XIRP2: variants seen among roughly 807,000 people sequenced by gnomAD.
The protein encoded by XIRP2 is xin actin binding repeat containing 2.
A neutral mutation model predicts 277.0 loss-of-function variants in XIRP2; 236 were observed. The ratio of observed to expected loss-of-function variants is 0.85; its 90% CI spans 0.77 to 0.95. The LOEUF is 0.95. Ranked by LOEUF, XIRP2 falls within the 40% of genes least tolerant of loss-of-function variation. The pLI is 0.00. For missense variants in XIRP2, 4,640 were observed against 4,157.5 expected, an observed-to-expected ratio of 1.12 and a Z score of -3.19; for synonymous variants, 1,490 against 1,416.5, an observed-to-expected ratio of 1.05 and a Z score of -1.17.
chr2:167,192,682 C>A (rs73027841), intron 3 of XIRP2, among the ~76,000 whole-genome samples: 12,319 of 152,182 alleles, frequency 0.081, 542 homozygotes, highest in South Asian at 0.15. Flanking sequence ...AAATCCACCA[C>A]CTCTGCTTCT....
At chr2:166,998,223 C>G (rs577452090) in intron 2 of XIRP2, among the ~76,000 whole-genome samples, 2 of 152,100 alleles carry the variant, frequency 1.3e-5, no homozygotes, top group Admixed American at 6.6e-5. Flanking sequence ...ACCTAAGTAG[C>G]AAACTGCATG....
intron 2 of XIRP2, among the ~76,000 whole-genome samples, chr2:166,923,116 T>C (rs1014394441): frequency 1.3e-5 from 2 of 152,050 alleles, no homozygotes; most frequent in African/African-American, 4.8e-5. Context: ...TCTTTTCTTG[T>C]GATGCTATTG....
chr2:166,924,168 G>C (rs184862188), intron 2 of XIRP2, among the ~76,000 whole-genome samples: 1 of 152,184 alleles, frequency 6.6e-6, no homozygotes, highest in Admixed American at 6.6e-5. Flanking sequence ...TACATTAGGA[G>C]ATCCACTTGG....
At chr2:166,973,039 AAATT>A (rs1686619655) in intron 2 of XIRP2, among the ~76,000 whole-genome samples, 1 of 152,156 alleles carries the variant, frequency 6.6e-6, no homozygotes, top group Admixed American at 6.6e-5. Context: ...ATTTTCTAGC[AAATT>A]AATTAAATAG....
chr2:167,198,316 A>C (rs1693580082), intron 3 of XIRP2, among the ~76,000 whole-genome samples: 1 of 152,214 alleles, frequency 6.6e-6, no homozygotes, highest in Non-Finnish European at 1.5e-5. Context: ...ATCTGATTGC[A>C]TCAGAGTTTT....
intron 2 of XIRP2, among the ~76,000 whole-genome samples, chr2:166,952,723 G>T (rs528778355): frequency 7.1e-4 from 106 of 149,092 alleles, no homozygotes; most frequent in African/African-American, 2.4e-3. Flanking sequence ...TCTTTACTCT[G>T]TTTTTTTTTC....
At chr2:167,156,562 A>G (rs1453841269) in intron 3 of XIRP2, among the ~76,000 whole-genome samples, 2 of 152,214 alleles carry the variant, frequency 1.3e-5, no homozygotes, top group African/African-American at 2.4e-5. Flanking sequence ...ATCAGATGCA[A>G]GACAAATTGT....
chr2:166,958,408 A>C (rs1043997146), intron 2 of XIRP2, among the ~76,000 whole-genome samples: 1 of 151,804 alleles, frequency 6.6e-6, no homozygotes, highest in Non-Finnish European at 1.5e-5. Context: ...CATTTAGGGC[A>C]TTTGAGAGTT....
In XIRP2 at chr2:167,093,288, A is replaced by ATT. The variant is rs1306311889; in HGVS notation, c.409-42617_409-42616dup. On this transcript the variant is annotated intron_variant, in intron 2 of 10. Transcript: ENST00000409195. ...TGTATGTTTGATTATATATATATAT[A>ATT]TTTTTACAGATGTACATAAGTTTGT... Among the ~76,000 whole-genome samples, 4 of 151,626 alleles carry ATT rather than the reference A, an allele frequency of 2.6e-5. No individual in the cohort carries two copies. In the East Asian group the frequency reaches 7.7e-4, roughly 29 times the overall value.
intron 2 of XIRP2, among the ~76,000 whole-genome samples, chr2:167,073,680 A>G (rs965817317): frequency 6.6e-5 from 10 of 152,212 alleles, no homozygotes; most frequent in African/African-American, 9.6e-5. Context: ...AATTAAATTT[A>G]GAAAGGATTT....
chr2:167,055,231 G>A (rs1281489839), intron 2 of XIRP2, among the ~76,000 whole-genome samples: 1 of 152,164 alleles, frequency 6.6e-6, no homozygotes, highest in African/African-American at 2.4e-5. Flanking sequence ...AAGGCTCTGT[G>A]TCCATGCTCA....
At chr2:167,033,413 G>A (rs1172622117) in intron 2 of XIRP2, among the ~76,000 whole-genome samples, 4 of 152,026 alleles carry the variant, frequency 2.6e-5, no homozygotes, top group East Asian at 3.9e-4. Context: ...TGTTCTGCAC[G>A]TGTATCCCAG....
At chr2:166,998,392 C>A (rs1366021387) in intron 2 of XIRP2, among the ~76,000 whole-genome samples, 1 of 152,126 alleles carries the variant, frequency 6.6e-6, no homozygotes, top group African/African-American at 2.4e-5. Context: ...AATCCCAGCA[C>A]TTTGGGAGGC....
At chr2:167,109,153 A>G (rs973804271) in intron 2 of XIRP2, among the ~76,000 whole-genome samples, 1 of 152,156 alleles carries the variant, frequency 6.6e-6, no homozygotes, top group Non-Finnish European at 1.5e-5. Flanking sequence ...TAGTTTGCTT[A>G]GGATGATGTC....
intron 1 of XIRP2, among the ~76,000 whole-genome samples, chr2:166,900,822 C>T (rs1043213869): frequency 6.6e-6 from 1 of 152,076 alleles, no homozygotes; most frequent in African/African-American, 2.4e-5. Flanking sequence ...CCAGCTCTGT[C>T]CTCTGACACA....
intron 2 of XIRP2, among the ~76,000 whole-genome samples, chr2:166,904,848 C>G (rs912294923): frequency 3.3e-5 from 5 of 151,906 alleles, no homozygotes; most frequent in African/African-American, 1.2e-4. Context: ...CAGTCGTATT[C>G]TTGTTAATGG....
intron 2 of XIRP2, among the ~76,000 whole-genome samples, chr2:167,010,352 T>C (rs1380587918): frequency 6.6e-6 from 1 of 151,746 alleles, no homozygotes; most frequent in Non-Finnish European, 1.5e-5. Context: ...CTTGTTTTTC[T>C]CAGGTTTGTC....
chr2:167,227,390 A>T (rs1694635006), intron 5 of XIRP2, among the ~76,000 whole-genome samples: 1 of 152,126 alleles, frequency 6.6e-6, no homozygotes, highest in African/African-American at 2.4e-5. Flanking sequence ...TAGTTTCTGC[A>T]TATATATGAC....
intron 2 of XIRP2, among the ~76,000 whole-genome samples, chr2:166,945,640 G>A (rs1353403669): frequency 6.7e-6 from 1 of 149,770 alleles, no homozygotes; most frequent in Non-Finnish European, 1.5e-5. Context: ...AACCTTAAAT[G>A]GCACTGCTTT....
Sources: allele counts gnomAD v4.1 joint callset (sites outside exome capture counted in the v4.1 genomes callset), GRCh38; gene constraint gnomAD v4.1.1; transcripts MANE v1.5; gene names NCBI Gene and HGNC (gene_info 2026-07-23, HGNC 2026-07-21).